COL12A1: variants seen among roughly 807,000 people sequenced by gnomAD.
COL12A1 encodes collagen type XII alpha 1 chain, also known as collagen alpha-1(XII) chain.
Under a neutral mutation model 349.7 loss-of-function variants are expected in COL12A1, and 114 were observed. The observed-to-expected ratio is 0.33, with a 90% CI of 0.28 to 0.38. COL12A1 has a LOEUF of 0.38. Among genes scored for constraint, COL12A1 ranks in the 10% least tolerant of loss-of-function variants. The pLI is 1.00. For synonymous variants in COL12A1, 1,369 were observed against 1,329.0 expected, an observed-to-expected ratio of 1.03 and a Z score of -0.66; for missense variants, 3,284 against 3,756.9, an observed-to-expected ratio of 0.87 and a Z score of 3.29.
In COL12A1 at chr6:75,133,942, C is replaced by A; in HGVS notation, c.5580G>T (p.Leu1860Phe). ...CCTCTGCATGGTCCCAGCGGACATT[C>A]AAGGTGCTGGTAGAAGGGTCATACA... ...LRVYDPSTSTLNVRWDHAEGN... is the reference protein window; with the variant it reads ...LRVYDPSTSTFNVRWDHAEGN... Residue 1860 changes from leucine (L) to phenylalanine (F), a missense_variant, in exon 33 of 66, where the codon TTG becomes TTT. Physicochemically the swap from Leu to Phe is conservative, Grantham distance 22 (BLOSUM62 0). Around this residue, in one of 2 missense-constraint regions of COL12A1, gnomAD observed 2,601 missense variants for 2,824.8 expected, o/e 0.92. Coordinates refer to ENST00000322507, the MANE Select transcript of COL12A1 (RefSeq NM_004370.6). 6.2e-7 allele frequency: 1 copy of A among 1,614,060 alleles called. No individual in the cohort carries two copies. The highest frequency in any genetic ancestry group is 8.5e-7 in the Non-Finnish European group (1 of 1,179,976).
intron 5 of COL12A1, among the ~76,000 whole-genome samples, chr6:75,191,111 G>T (rs1042408339): frequency 2.6e-5 from 4 of 151,842 alleles, no homozygotes; most frequent in Non-Finnish European, 5.9e-5. Flanking sequence ...GCAAGATCTA[G>T]ACTAAATAAA....
At chr6:75,149,586 T>C (rs895640250) in intron 21 of COL12A1, among the ~76,000 whole-genome samples, 4 of 152,086 alleles carry the variant, frequency 2.6e-5, no homozygotes, top group African/African-American at 9.7e-5. Flanking sequence ...AAGCTCAATA[T>C]GTCTAACAGG....
intron 9 of COL12A1, 32 bp downstream of exon 9, chr6:75,183,822 T>G (rs758417682): frequency 4.4e-6 from 7 of 1,606,752 alleles, no homozygotes; most frequent in South Asian, 2.2e-5. Context: ...TCTTCACATA[T>G]TCCAAATACA....
At chr6:75,146,953 C>T (rs1174886505) in intron 23 of COL12A1, among the ~76,000 whole-genome samples, 3 of 152,176 alleles carry the variant, frequency 2.0e-5, no homozygotes, top group Non-Finnish European at 2.9e-5. Context: ...GAGAGTGATG[C>T]GCACTCCTTC....
chr6:75,172,400 G>T (rs1354442952), intron 13 of COL12A1, among the ~76,000 whole-genome samples: 1 of 152,124 alleles, frequency 6.6e-6, no homozygotes, highest in African/African-American at 2.4e-5. Context: ...AAGCACAAAT[G>T]AATACCAGAA....
intron 14 of COL12A1, among the ~76,000 whole-genome samples, chr6:75,157,251 T>C (rs240739): frequency 0.031 from 4,672 of 152,176 alleles, 179 homozygotes; most frequent in East Asian, 0.13. Context: ...TATTTTTATA[T>C]ATAATTAGAG....
At chr6:75,150,579 A>AG (rs2149414149) in intron 21 of COL12A1, among the ~76,000 whole-genome samples, 1 of 152,336 alleles carries the variant, frequency 6.6e-6, no homozygotes, top group African/African-American at 2.4e-5. Flanking sequence ...AAAGCAAATC[A>AG]GATATAAAGA....
intron 7 of COL12A1, among the ~76,000 whole-genome samples, 190 bp downstream of exon 7, chr6:75,189,027 A>G (rs1769783321): frequency 6.6e-6 from 1 of 152,052 alleles, no homozygotes; most frequent in South Asian, 2.1e-4. Context: ...ATGCTAAGGG[A>G]GTTATATGAG....
intron 17 of COL12A1, 133 bp from the exon 18 acceptor site, chr6:75,152,615 G>T: frequency 1.1e-6 from 1 of 944,514 alleles, no homozygotes; most frequent in Non-Finnish European, 1.6e-6. Context: ...CAGTGATGTG[G>T]AGTATAAGAC....
intron 1 of COL12A1, among the ~76,000 whole-genome samples, chr6:75,204,055 T>G (rs1770657157): frequency 6.6e-6 from 1 of 152,236 alleles, no homozygotes; most frequent in Non-Finnish European, 1.5e-5. Flanking sequence ...GCATTTTAAA[T>G]GTCTGATGAG....
intron 2 of COL12A1, among the ~76,000 whole-genome samples, chr6:75,200,454 T>C (rs1770469142): frequency 6.6e-6 from 1 of 152,110 alleles, no homozygotes; most frequent in African/African-American, 2.4e-5. Flanking sequence ...ACCCCTGTAG[T>C]ACCAGCTACT....
chr6:75,195,839 G>A (rs1770199669), intron 2 of COL12A1, among the ~76,000 whole-genome samples: 2 of 152,226 alleles, frequency 1.3e-5, no homozygotes, highest in East Asian at 1.9e-4. Flanking sequence ...CAACATCAAT[G>A]TATATTTATG....
intron 35 of COL12A1, 119 bp from the exon 36 acceptor site, chr6:75,131,100 A>T: frequency 7.7e-7 from 1 of 1,300,012 alleles, no homozygotes. Context: ...ATCAGAAGCC[A>T]ACTGTGCTTC....
chr6:75,135,208 T>G (rs2239643), intron 31 of COL12A1, among the ~76,000 whole-genome samples: 1 of 152,046 alleles, frequency 6.6e-6, no homozygotes, highest in Non-Finnish European at 1.5e-5. Context: ...CTTTAAGATA[T>G]GAAACAATTG....
intron 11 of COL12A1, among the ~76,000 whole-genome samples, chr6:75,180,255 AACAAG>A (rs1379988430): frequency 2.6e-5 from 4 of 152,252 alleles, no homozygotes; most frequent in Admixed American, 6.5e-5. Flanking sequence ...ATCCAGGCAC[AACAAG>A]ACAAGTACTG....
Position 75,202,808 on chromosome 6 carries a change from T to C in COL12A1, c.-16A>G. ...TACTCCGCATCCTTGGCCTCCGAGC[T>C]TACAGCGGCATGAAGAGATCTGCGG... On this transcript the variant is annotated 5_prime_UTR_variant, in exon 2 of 66. The change abolishes the stop of an existing upstream ORF in the 5' untranslated region. Transcript: ENST00000322507. 3.2e-6 allele frequency: 5 copies of C among 1,551,506 alleles called. No homozygotes were observed. The highest frequency in any genetic ancestry group is 4.4e-6 in the Non-Finnish European group (5 of 1,146,792).
intron 6 of COL12A1, 23 bp from the exon 7 acceptor site, chr6:75,189,404 C>A (rs1769807014): frequency 1.2e-6 from 2 of 1,609,206 alleles, no homozygotes; most frequent in South Asian, 1.1e-5. Flanking sequence ...GAAACATGTT[C>A]ATTTACTCTG....
chr6:75,163,634 G>A (rs374910905), intron 14 of COL12A1, among the ~76,000 whole-genome samples: 47 of 152,096 alleles, frequency 3.1e-4, no homozygotes, highest in Middle Eastern at 3.4e-3. Context: ...CACATTCTGC[G>A]CATGTACCCC....
intron 12 of COL12A1, 128 bp downstream of exon 12, chr6:75,177,535 T>G: frequency 8.9e-7 from 1 of 1,126,504 alleles, no homozygotes; most frequent in South Asian, 1.5e-5. Flanking sequence ...CTAAAAGGAC[T>G]ATGGTCTAAC....
Sources: gnomAD v4.1 joint callset for allele counts (sites outside exome capture counted in the v4.1 genomes callset) on GRCh38, gnomAD v4.1.1 for gene constraint, gnomAD v4.1.1 regional missense constraint, MANE v1.5 for transcripts, NCBI Gene and HGNC (gene_info 2026-07-23, HGNC 2026-07-21) for gene names.